Variants in CNTN3 observed in about 807,000 individuals in gnomAD.
CNTN3 encodes contactin-3.
Under a neutral mutation model 119.1 loss-of-function variants are expected in CNTN3, and 60 were observed. The ratio of observed to expected loss-of-function variants is 0.50; its 90% confidence interval spans 0.41 to 0.62. CNTN3 has a LOEUF of 0.62. CNTN3 is among the 20% of genes least tolerant of loss of function. CNTN3 has a pLI of 0.00. For missense variants in CNTN3, 1,101 were observed against 1,242.4 expected (o/e 0.89, Z 1.71); for synonymous variants, 450 against 438.7 (o/e 1.03, Z -0.32).
intron 1 of CNTN3, among the ~76,000 whole-genome samples, chr3:74,582,364 C>T (rs1188558933): frequency 6.6e-6 from 1 of 151,680 alleles, no homozygotes; most frequent in Non-Finnish European, 1.5e-5. Flanking sequence ...CAAGATCACG[C>T]CACTGCACTC....
intron 1 of CNTN3, among the ~76,000 whole-genome samples, chr3:74,544,686 C>T (rs1479557835): frequency 1.3e-5 from 2 of 152,170 alleles, no homozygotes; most frequent in African/African-American, 4.8e-5. Flanking sequence ...GCAACCTCCA[C>T]CTCCCAGGTT....
intron 1 of CNTN3, among the ~76,000 whole-genome samples, chr3:74,602,730 C>A (rs1171506125): frequency 2.6e-5 from 4 of 152,036 alleles, no homozygotes; most frequent in Non-Finnish European, 4.4e-5. Flanking sequence ...AACTATACTA[C>A]TGTTTGTAAG....
intron 17 of CNTN3, among the ~76,000 whole-genome samples, chr3:74,299,382 T>C (rs988922798): frequency 2.6e-5 from 4 of 152,014 alleles, no homozygotes; most frequent in African/African-American, 9.7e-5. Context: ...GCTGGGAGAA[T>C]GGCCAGGAAA....
In CNTN3 at chr3:74,475,524, C is replaced by T. The variant is rs1011257189; in HGVS notation, c.358+10932G>A. On this transcript the variant is annotated intron_variant, in intron 4 of 22. Coordinates refer to ENST00000263665, the MANE Select transcript of CNTN3 (RefSeq NM_020872.3). ...AAGACGTTTTGCACACATCCTGCATCGCTGCAAGGCTGTACTTATGGGGAA... is the reference window on the plus strand; with the variant it reads ...AAGACGTTTTGCACACATCCTGCATTGCTGCAAGGCTGTACTTATGGGGAA... 4.9e-4 allele frequency among the ~76,000 whole-genome samples: 74 copies of T among 152,012 alleles called. 1 individual carries two copies. The highest frequency in any genetic ancestry group is 4.1e-3 in the Admixed American group (62 of 15,248).
chr3:74,274,761 A>C (rs981008986), intron 20 of CNTN3, among the ~76,000 whole-genome samples: 6 of 152,282 alleles, frequency 3.9e-5, no homozygotes, highest in African/African-American at 1.4e-4. Flanking sequence ...ACAACCCCCA[A>C]AAATCATACT....
At chr3:74,409,298 A>G (rs1169448472) in intron 5 of CNTN3, among the ~76,000 whole-genome samples, 2 of 152,190 alleles carry the variant, frequency 1.3e-5, no homozygotes, top group African/African-American at 4.8e-5. Flanking sequence ...ATATCCAGAT[A>G]AGTAAGGTGA....
At chr3:74,356,241 C>G (rs762248883) in intron 11 of CNTN3, among the ~76,000 whole-genome samples, 1 of 152,046 alleles carries the variant, frequency 6.6e-6, no homozygotes, top group Non-Finnish European at 1.5e-5. Context: ...GAACTGTGAA[C>G]AATAAACTTC....
intron 4 of CNTN3, among the ~76,000 whole-genome samples, chr3:74,463,803 A>G (rs1286863763): frequency 6.6e-6 from 1 of 152,156 alleles, no homozygotes; most frequent in Admixed American, 6.6e-5. Flanking sequence ...GCTGTTGTCT[A>G]AAGTCTTCCG....
intron 20 of CNTN3, among the ~76,000 whole-genome samples, chr3:74,273,890 C>G (rs577910233): frequency 8.1e-4 from 124 of 152,236 alleles, no homozygotes; most frequent in Non-Finnish European, 1.6e-3. Flanking sequence ...TCTTTCCCAG[C>G]TGGGAGGTGG....
At position 74,280,846 on chromosome 3, in the gene CNTN3, G is replaced by A. The variant is rs115039782; in HGVS notation, c.2704+4459C>T. The stretch of plus-strand genomic sequence containing the variant: ...TGAGTAGCCATGAGATACAGTACAT[G>A]TGGTGGCTCTGAGGCTATGCACAAG... On this transcript the variant is annotated intron_variant, in intron 20 of 22. Coordinates refer to ENST00000263665, the MANE Select transcript of CNTN3 (RefSeq NM_020872.3). Among the ~76,000 whole-genome samples the A allele has an allele frequency of 2.7e-3, 410 of 152,324 alleles. 1 individual carries two copies. Among genetic ancestry groups the A allele is most frequent in the African/African-American group, 9.2e-3 (384 of 41,580 alleles).
At chr3:74,478,874 T>C (rs533495545) in intron 4 of CNTN3, among the ~76,000 whole-genome samples, 6 of 152,158 alleles carry the variant, frequency 3.9e-5, no homozygotes, top group Admixed American at 6.6e-5. Context: ...CCATCATTTA[T>C]ATCTTGATGT....
At chr3:74,594,260 T>G (rs1386848099) in intron 1 of CNTN3, among the ~76,000 whole-genome samples, 1 of 148,006 alleles carries the variant, frequency 6.8e-6, no homozygotes, top group Non-Finnish European at 1.5e-5. Context: ...TCCAAAACTG[T>G]ATTTCTTTTT....
At chr3:74,598,032 A>C (rs533428202) in intron 1 of CNTN3, among the ~76,000 whole-genome samples, 3 of 152,068 alleles carry the variant, frequency 2.0e-5, no homozygotes, top group Non-Finnish European at 4.4e-5. Flanking sequence ...TATAAAGATG[A>C]TAGCCTATGA....
chr3:74,544,617 G>A, intron 1 of CNTN3, among the ~76,000 whole-genome samples: 1 of 151,896 alleles, frequency 6.6e-6, no homozygotes, highest in Non-Finnish European at 1.5e-5. Context: ...AGCAGTGCGG[G>A]GGACAGAGTC....
chr3:74,457,915 A>T (rs1274740352), intron 4 of CNTN3, among the ~76,000 whole-genome samples: 1 of 152,022 alleles, frequency 6.6e-6, no homozygotes, highest in Non-Finnish European at 1.5e-5. Flanking sequence ...AGCACCACCC[A>T]CACCCACATC....
intron 20 of CNTN3, among the ~76,000 whole-genome samples, chr3:74,276,837 A>C (rs1433204507): frequency 6.6e-6 from 1 of 152,096 alleles, no homozygotes; most frequent in African/African-American, 2.4e-5. Context: ...GATTAATGAA[A>C]CAAAAATCTG....
chr3:74,391,859 T>C (rs1437114552), intron 5 of CNTN3, among the ~76,000 whole-genome samples: 1 of 152,170 alleles, frequency 6.6e-6, no homozygotes, highest in Non-Finnish European at 1.5e-5. Context: ...GGTTTCACCA[T>C]GTTGGTCAGG....
chr3:74,569,140 C>T (rs1418535838), intron 1 of CNTN3, among the ~76,000 whole-genome samples: 1 of 152,184 alleles, frequency 6.6e-6, no homozygotes, highest in Non-Finnish European at 1.5e-5. Flanking sequence ...ATCTGTATGC[C>T]TAGCTCCCAT....
At chr3:74,323,226 T>C (rs1703038362) in intron 13 of CNTN3, among the ~76,000 whole-genome samples, 1 of 151,908 alleles carries the variant, frequency 6.6e-6, no homozygotes, top group Admixed American at 6.6e-5. Flanking sequence ...TTGAGGAGGG[T>C]GTGTGTGTGG....
Sources: gnomAD v4.1 joint callset for allele counts (sites outside exome capture counted in the v4.1 genomes callset) on GRCh38, gnomAD v4.1.1 for gene constraint, MANE v1.5 for transcripts, NCBI Gene and HGNC (gene_info 2026-07-23, HGNC 2026-07-21) for gene names.